PDCL2: variants seen among roughly 807,000 people sequenced by gnomAD.
PDCL2 encodes phosducin like 2, also known as phosducin-like protein 2.
A neutral mutation model predicts 30.3 loss-of-function variants in PDCL2; 23 were observed. The ratio of observed to expected loss-of-function variants is 0.76; its 90% CI spans 0.55 to 1.08. The LOEUF is 1.08. PDCL2 is among the 50% of genes least tolerant of loss of function. The probability of loss-of-function intolerance (pLI) is 0.00; values close to 1 mark genes in which losing one functional copy is unlikely to be tolerated. For synonymous variants in PDCL2, 68 were observed against 86.2 expected, an observed-to-expected ratio of 0.79 and a Z score of 1.17; for missense variants, 243 against 282.3, an observed-to-expected ratio of 0.86 and a Z score of 1.00.
At position 55,582,112 on chromosome 4, in the gene PDCL2, C is replaced by T; in HGVS notation, c.127+5G>A. 1 of 1,612,512 alleles carries T rather than the reference C, an allele frequency of 6.2e-7. No homozygotes were observed. The highest frequency in any genetic ancestry group is 2.2e-5 in the East Asian group (1 of 44,830). ...TCATCCAGCCCACCAAATCTACGAC[C>T]ATACCCATTGCTTCTTTCTGTAAAC... On this transcript the variant is annotated splice_donor_5th_base_variant and intron_variant, in intron 2 of 5. Transcript: ENST00000295645.
intron 1 of PDCL2, among the ~76,000 whole-genome samples, chr4:55,588,865 C>T (rs1577921266): frequency 6.9e-6 from 1 of 145,324 alleles, no homozygotes; most frequent in Non-Finnish European, 1.5e-5. Flanking sequence ...TTTATAAGTA[C>T]TTTTTTTTTT....
At chr4:55,586,855 T>C (rs1177738659) in intron 1 of PDCL2, among the ~76,000 whole-genome samples, 2 of 152,178 alleles carry the variant, frequency 1.3e-5, no homozygotes, top group African/African-American at 2.4e-5. Flanking sequence ...TTTTCTATCA[T>C]AAACATTCTA....
At chr4:55,576,593 C>T (rs566866713) in intron 3 of PDCL2, among the ~76,000 whole-genome samples, 133 of 151,972 alleles carry the variant, frequency 8.8e-4, no homozygotes, top group African/African-American at 2.9e-3. Context: ...CACTGTAAGA[C>T]GTTAATTTTT....
rs985536895 is a variant in PDCL2, at chr4:55,556,820, T to C, written c.572-109A>G. The stretch of plus-strand genomic sequence containing the variant: ...AGTAATATTACCATGGAAATGATGA[T>C]ATATTTATTTATAGGTTTTTTTTTC... On this transcript the variant is annotated intron_variant, in intron 5 of 5. Coordinates refer to ENST00000295645, the MANE Select transcript of PDCL2 (RefSeq NM_152401.3). The C allele has an allele frequency of 2.2e-5, 20 of 921,934 alleles. No individual in the cohort carries two copies. In the African/African-American group the frequency reaches 2.8e-4, roughly 13 times the overall value. The allele number at this position is 921,934 out of a possible 1,614,324, so 57.1% of individuals were successfully genotyped here. A position where few individuals can be genotyped will look rare whatever the true frequency, so the allele number is the denominator to read the frequency against.
intron 5 of PDCL2, among the ~76,000 whole-genome samples, chr4:55,558,704 T>A (rs1732048518): frequency 6.6e-6 from 1 of 152,126 alleles, no homozygotes; most frequent in Admixed American, 6.5e-5. Context: ...ACCTTGGGAA[T>A]ACAGAAAGCT....
At chr4:55,584,859 T>C (rs1355368098) in intron 1 of PDCL2, among the ~76,000 whole-genome samples, 2 of 152,206 alleles carry the variant, frequency 1.3e-5, no homozygotes, top group African/African-American at 4.8e-5. Flanking sequence ...GTAGGCTTGT[T>C]GTATATGCCT....
chr4:55,587,893 C>T (rs1732903417), intron 1 of PDCL2, among the ~76,000 whole-genome samples: 1 of 150,932 alleles, frequency 6.6e-6, no homozygotes, highest in South Asian at 2.1e-4. Context: ...TCCTCTGACG[C>T]AAAAAAATGT....
intron 3 of PDCL2, among the ~76,000 whole-genome samples, chr4:55,573,476 G>A (rs1032746256): frequency 4.6e-5 from 7 of 152,086 alleles, no homozygotes; most frequent in East Asian, 1.9e-4. Context: ...GAGGCCTGGC[G>A]TCATGGCTTA....
At chr4:55,587,216 T>TAAAAAAAAAAA (rs869107656) in intron 1 of PDCL2, among the ~76,000 whole-genome samples, 65 of 62,832 alleles carry the variant, frequency 1.0e-3, no homozygotes, top group African/African-American at 4.5e-3. Context: ...GACAGAATAG[T>TAAAAAAAAAAA]AAAAAAAAAA....
In PDCL2 at chr4:55,562,436, A is replaced by G. The variant is rs1190434855; in HGVS notation, c.539T>C (p.Ile180Thr). 6.0e-6 allele frequency: 9 copies of G among 1,491,906 alleles called. No homozygotes were observed. The highest frequency in any genetic ancestry group is 8.0e-6 in the Non-Finnish European group (9 of 1,120,132). The allele number at this position is 1,491,906 out of a possible 1,614,324, so 92.4% of individuals were successfully genotyped here. Residue 180 changes from isoleucine (I) to threonine (T), a missense_variant, in exon 5 of 6, where the codon ATA becomes ACA. Ile to Thr is a moderately conservative substitution (Grantham distance 89). Transcript: ENST00000295645. ...CTTGAGATTTATCCCTCCACATTCT[A>G]TAATTCCAATGAATTTGGCTTCTAT... ...GQIEAKFIGI[I>T]ECGGINLKLE... is the part of the protein sequence containing the mutation.
intron 1 of PDCL2, 63 bp from the exon 2 acceptor site, chr4:55,582,300 A>C: frequency 6.8e-7 from 1 of 1,460,936 alleles, no homozygotes; most frequent in Admixed American, 2.3e-5. Context: ...TATTTGGAAA[A>C]TTCATTAAGA....
chr4:55,589,004 C>T (rs1337094196), intron 1 of PDCL2, among the ~76,000 whole-genome samples: 1 of 151,968 alleles, frequency 6.6e-6, no homozygotes, highest in Non-Finnish European at 1.5e-5. Flanking sequence ...ACCACAGGCG[C>T]CTGCCACCAA....
Position 55,562,385 on chromosome 4 carries a change from A to G in PDCL2, c.571+19T>C. On this transcript the variant is annotated intron_variant, in intron 5 of 5. Transcript: ENST00000295645. ...ATGTTTTCACCTATCATTTTTATAA[A>G]CAAAATTTGTAACATTACCTTCCAG... is the stretch of plus-strand genomic sequence containing the variant. 1 of 1,378,708 alleles carries G rather than the reference A, an allele frequency of 7.3e-7. No individual in the cohort carries two copies. The highest frequency in any genetic ancestry group is 9.5e-7 in the Non-Finnish European group (1 of 1,049,428). The allele number at this position is 1,378,708 out of a possible 1,614,324, so 85.4% of individuals were successfully genotyped here. A position where few individuals can be genotyped will look rare whatever the true frequency, so the allele number is the denominator to read the frequency against.
chr4:55,567,011 A>G (rs1376874197), intron 4 of PDCL2, among the ~76,000 whole-genome samples: 1 of 152,236 alleles, frequency 6.6e-6, no homozygotes, highest in East Asian at 1.9e-4. Flanking sequence ...ACACAGGATC[A>G]GAAAAAACAT....
At chr4:55,562,254 A>G (rs1316259856) in intron 5 of PDCL2, 150 bp downstream of exon 5, 1 of 445,442 alleles carries the variant, frequency 2.2e-6, no homozygotes, top group African/African-American at 2.0e-5. Context: ...TTATTAGAGT[A>G]TTACTATAGG....
intron 3 of PDCL2, among the ~76,000 whole-genome samples, chr4:55,570,504 T>C (rs916474776): frequency 1.3e-5 from 2 of 152,234 alleles, no homozygotes; most frequent in Non-Finnish European, 2.9e-5. Flanking sequence ...GTTAATAGCA[T>C]AAACTTGGGC....
chr4:55,566,878 A>G (rs1732283044), intron 4 of PDCL2, among the ~76,000 whole-genome samples: 1 of 152,226 alleles, frequency 6.6e-6, no homozygotes, highest in Admixed American at 6.5e-5. Flanking sequence ...TTTGAAGCAG[A>G]CTAAATCACA....
chr4:55,560,200 AC>A (rs1732091877), intron 5 of PDCL2, among the ~76,000 whole-genome samples: 1 of 122,252 alleles, frequency 8.2e-6, no homozygotes, highest in Admixed American at 9.0e-5. Flanking sequence ...GGGGGGGGGG[AC>A]GAGATACACA....
At chr4:55,589,002 C>T (rs575480186) in intron 1 of PDCL2, among the ~76,000 whole-genome samples, 3 of 152,032 alleles carry the variant, frequency 2.0e-5, no homozygotes, top group South Asian at 2.1e-4. Context: ...GGACCACAGG[C>T]GCCTGCCACC....
Sources: allele counts gnomAD v4.1 joint callset (sites outside exome capture counted in the v4.1 genomes callset), GRCh38; gene constraint gnomAD v4.1.1; transcripts MANE v1.5; gene names NCBI Gene and HGNC (gene_info 2026-07-23, HGNC 2026-07-21).